OPHN1: variants seen among roughly 807,000 people sequenced by gnomAD.
OPHN1 encodes oligophrenin-1.
Under a neutral mutation model 60.7 loss-of-function variants are expected in OPHN1, and 11 were observed. The ratio of observed to expected loss-of-function variants is 0.18; its 90% confidence interval spans 0.11 to 0.30. The LOEUF (loss-of-function observed/expected upper bound fraction) is 0.30, where lower values mean the gene tolerates loss of function less well. Ranked by LOEUF, OPHN1 falls within the 10% of genes least tolerant of loss-of-function variation. The probability of loss-of-function intolerance (pLI) is 1.00; values close to 1 mark genes in which losing one functional copy is unlikely to be tolerated. For missense variants in OPHN1, 449 were observed against 611.0 expected, an observed-to-expected ratio of 0.73 and a Z score of 2.80; for synonymous variants, 226 against 222.6, an observed-to-expected ratio of 1.02 and a Z score of -0.14.
intron 2 of OPHN1, among the ~76,000 whole-genome samples, chrX:68,398,408 T>G (rs1463760473): frequency 8.9e-6 from 1 of 112,155 alleles, no homozygotes; most frequent in East Asian, 2.8e-4. Context: ...ATTTTTCACT[T>G]GAAATTTTTA....
chrX:68,085,873 A>AC (rs923154435), intron 19 of OPHN1, among the ~76,000 whole-genome samples: 1 of 111,730 alleles, frequency 9.0e-6, no homozygotes, highest in African/African-American at 3.3e-5. Flanking sequence ...ATAACAACCT[A>AC]CCCTTTTACA....
intron 2 of OPHN1, among the ~76,000 whole-genome samples, chrX:68,400,382 G>T (rs2078707496): frequency 2.7e-5 from 3 of 110,580 alleles, no homozygotes; most frequent in Admixed American, 1.9e-4. Flanking sequence ...GTGCTAATCA[G>T]CATGAGATAT....
rs9781542 is a variant in OPHN1, at chrX:68,377,765, A to C, written c.154+55102T>G. Among the ~76,000 whole-genome samples the C allele has an allele frequency of 7.5e-3, 838 of 111,269 alleles. 8 individuals are homozygous for C. Among genetic ancestry groups the C allele is most frequent in the African/African-American group, 0.026 (803 of 30,627 alleles). ...TCCCTACAAAGGACATGAACTCATC[A>C]TTTTTTATGGCTGCATAGTATTCCA... On this transcript the variant is annotated intron_variant, in intron 2 of 24. Coordinates refer to ENST00000355520, the MANE Select transcript of OPHN1 (RefSeq NM_002547.3).
chrX:68,062,639 A>G (rs2076897377), intron 21 of OPHN1, among the ~76,000 whole-genome samples: 1 of 112,110 alleles, frequency 8.9e-6, no homozygotes, highest in African/African-American at 3.2e-5. Flanking sequence ...GGGGCCAGGT[A>G]CATGGTCAGT....
intron 2 of OPHN1, among the ~76,000 whole-genome samples, chrX:68,431,179 A>G (rs1488953142): frequency 1.8e-5 from 2 of 112,018 alleles, no homozygotes; most frequent in East Asian, 2.8e-4. Context: ...GCATATCCTT[A>G]ACCTCTTAAG....
At position 68,407,185 on chromosome X, in the gene OPHN1, C is replaced by A. The variant is rs186810196; in HGVS notation, c.154+25682G>T. On this transcript the variant is annotated intron_variant, in intron 2 of 24. Transcript: ENST00000355520. ...TGCCACTGCACTCCAGCTTGGGCAA[C>A]AAGAACAAAACTTCGTCTCAAAATA... 1.5e-3 allele frequency among the ~76,000 whole-genome samples: 170 copies of A among 112,403 alleles called. 1 individual carries two copies. The highest frequency in any genetic ancestry group is 5.1e-3 in the African/African-American group (157 of 31,035).
At chrX:68,172,301 G>T (rs1391252945) in intron 15 of OPHN1, among the ~76,000 whole-genome samples, 2 of 112,076 alleles carry the variant, frequency 1.8e-5, no homozygotes, top group Non-Finnish European at 3.8e-5. Context: ...TGATGCATGG[G>T]TATATCATGG....
At chrX:68,309,939 T>C (rs2078165011) in intron 2 of OPHN1, among the ~76,000 whole-genome samples, 1 of 111,971 alleles carries the variant, frequency 8.9e-6, no homozygotes, top group Non-Finnish European at 1.9e-5. Flanking sequence ...CAGCTTCTAG[T>C]GCTGTTAGCC....
chrX:68,432,293 C>G (rs1034106735), intron 2 of OPHN1, among the ~76,000 whole-genome samples: 1 of 111,847 alleles, frequency 8.9e-6, no homozygotes, highest in African/African-American at 3.2e-5. Context: ...TAATCCTGAA[C>G]TTAGACTGAC....
chrX:68,088,313 C>T (rs911935777), intron 19 of OPHN1, among the ~76,000 whole-genome samples: 4 of 111,360 alleles, frequency 3.6e-5, no homozygotes, highest in African/African-American at 1.3e-4. Flanking sequence ...CATTCCCCTT[C>T]CCAGTTGTCT....
chrX:68,383,137 CATAG>C (rs1471839843), intron 2 of OPHN1, among the ~76,000 whole-genome samples: 1 of 110,078 alleles, frequency 9.1e-6, no homozygotes, highest in East Asian at 2.9e-4. Flanking sequence ...GCCTGGACAA[CATAG>C]ACAGACTCCA....
chrX:68,071,368 A>T, intron 20 of OPHN1: 1 of 716,011 alleles, frequency 1.4e-6, no homozygotes, highest in Non-Finnish European at 2.3e-6. Context: ...TTGTTCCCAG[A>T]GTTTTCCCTT....
At chrX:68,295,068 A>T (rs1278778615) in intron 3 of OPHN1, among the ~76,000 whole-genome samples, 1 of 111,754 alleles carries the variant, frequency 8.9e-6, no homozygotes, top group African/African-American at 3.3e-5. Flanking sequence ...AAGACTATGT[A>T]AAAATCAAGG....
At chrX:68,141,982 GGAAA>G (rs758842064) in intron 15 of OPHN1, among the ~76,000 whole-genome samples, 26 of 111,393 alleles carry the variant, frequency 2.3e-4, no homozygotes, top group Admixed American at 1.3e-3. Flanking sequence ...GAGCCAAGAC[GGAAA>G]GAGTCACAAA....
chrX:68,246,411 T>C (rs1318475995), intron 5 of OPHN1, among the ~76,000 whole-genome samples: 1 of 111,218 alleles, frequency 9.0e-6, no homozygotes, highest in Non-Finnish European at 1.9e-5. Flanking sequence ...AAAACCCAAA[T>C]GAAGAGATCA....
chrX:68,197,700 C>T (rs1419526877), intron 11 of OPHN1, among the ~76,000 whole-genome samples: 1 of 111,068 alleles, frequency 9.0e-6, no homozygotes, highest in Non-Finnish European at 1.9e-5. Flanking sequence ...CCAGCACCTG[C>T]GATGTCCAAG....
intron 3 of OPHN1, among the ~76,000 whole-genome samples, chrX:68,290,974 T>A (rs2078068363): frequency 9.0e-6 from 1 of 111,464 alleles, no homozygotes; most frequent in African/African-American, 3.3e-5. Context: ...ATTTTTATAA[T>A]AAAGCATGTT....
At chrX:68,097,144 C>T in intron 18 of OPHN1, 115 bp from the exon 19 acceptor site, 1 of 645,547 alleles carries the variant, frequency 1.5e-6, no homozygotes, top group Non-Finnish European at 2.3e-6. Flanking sequence ...AGGAAAGGAG[C>T]ACCTAAAGTA....
chrX:68,397,074 A>G (rs1250640151), intron 2 of OPHN1, among the ~76,000 whole-genome samples: 1 of 111,758 alleles, frequency 8.9e-6, no homozygotes, highest in Non-Finnish European at 1.9e-5. Flanking sequence ...GAGCAACACC[A>G]GGACTGCTCA....
Sources: gnomAD v4.1 joint callset for allele counts (sites outside exome capture counted in the v4.1 genomes callset) on GRCh38, gnomAD v4.1.1 for gene constraint, MANE v1.5 for transcripts, NCBI Gene and HGNC (gene_info 2026-07-23, HGNC 2026-07-21) for gene names.